PHACTR3: variants seen among roughly 807,000 people sequenced by gnomAD.
The protein encoded by PHACTR3 is phosphatase and actin regulator 3.
PHACTR3 carries 16 observed loss-of-function variants against 66.8 expected under a neutral mutation model. The observed-to-expected ratio is 0.24, with a 90% confidence interval of 0.16 to 0.36. PHACTR3 has a LOEUF of 0.36. PHACTR3 is among the 10% of genes least tolerant of loss of function. The probability of loss-of-function intolerance (pLI) is 1.00; values close to 1 mark genes in which losing one functional copy is unlikely to be tolerated. For missense variants in PHACTR3, 647 were observed against 719.9 expected, an observed-to-expected ratio of 0.90 and a Z score of 1.16; for synonymous variants, 323 against 292.1, an observed-to-expected ratio of 1.11 and a Z score of -1.08.
intron 8 of PHACTR3, among the ~76,000 whole-genome samples, chr20:59,812,870 C>T (rs945396683): frequency 2.6e-5 from 4 of 152,118 alleles, no homozygotes; most frequent in African/African-American, 9.7e-5. Context: ...ATCATCCCTG[C>T]TCTGCAGATG....
At chr20:59,818,543 A>ATT (rs1170065740) in intron 8 of PHACTR3, among the ~76,000 whole-genome samples, 1 of 152,152 alleles carries the variant, frequency 6.6e-6, no homozygotes, top group East Asian at 1.9e-4. Flanking sequence ...AGCACAATCG[A>ATT]TTTTAAGATA....
chr20:59,661,893 G>A (rs1269874849), intron 1 of PHACTR3, among the ~76,000 whole-genome samples: 1 of 152,108 alleles, frequency 6.6e-6, no homozygotes, highest in Non-Finnish European at 1.5e-5. Flanking sequence ...CAGGGTGACC[G>A]CTAGTGGCAG....
At chr20:59,785,335 C>T (rs929826799) in intron 7 of PHACTR3, among the ~76,000 whole-genome samples, 4 of 152,146 alleles carry the variant, frequency 2.6e-5, no homozygotes, top group East Asian at 3.9e-4. Context: ...ATCAGGGCCC[C>T]GCTCTTGCAA....
intron 8 of PHACTR3, among the ~76,000 whole-genome samples, chr20:59,821,164 A>C (rs559624873): frequency 1.3e-5 from 2 of 152,290 alleles, no homozygotes; most frequent in East Asian, 3.9e-4. Flanking sequence ...GGAGGCCCAG[A>C]GAGATTGGGT....
intron 3 of PHACTR3, among the ~76,000 whole-genome samples, chr20:59,752,005 T>C (rs1424818271): frequency 1.3e-5 from 2 of 152,188 alleles, no homozygotes; most frequent in Non-Finnish European, 2.9e-5. Flanking sequence ...ACTTGGCATT[T>C]TCTTAAATAA....
intron 1 of PHACTR3, among the ~76,000 whole-genome samples, chr20:59,614,492 G>A (rs183410456): frequency 1.3e-5 from 2 of 152,264 alleles, no homozygotes; most frequent in Non-Finnish European, 2.9e-5. Flanking sequence ...GCTTGGCAAC[G>A]CACCTTATCT....
intron 3 of PHACTR3, among the ~76,000 whole-genome samples, chr20:59,752,230 G>A (rs2039620968): frequency 6.6e-6 from 1 of 152,224 alleles, no homozygotes; most frequent in African/African-American, 2.4e-5. Context: ...GCACCCACCT[G>A]TGCTTGCACT....
chr20:59,577,559 G>T (rs1470072504), exon 1 of PHACTR3: 2 of 1,197,014 alleles, frequency 1.7e-6, no homozygotes, highest in African/African-American at 1.6e-5. Context: ...CCCTGCGCTC[G>T]CTGCTGGGCG....
chr20:59,829,419 T>C lies in PHACTR3; in HGVS notation c.1329-7086T>C, dbSNP rs1309737607. ...TTATGGCCTGGAGAGTCCTCTTCTC[T>C]TCCTGAACTTCTCTCCAGACACACC... On this transcript the variant is annotated intron_variant, in intron 8 of 12. Transcript: ENST00000371015. This position sits in a 1 kb window ranked among gnomAD's most constrained non-coding sequence, Gnocchi z 4.2. Among the ~76,000 whole-genome samples the C allele has an allele frequency of 6.6e-6, 1 of 152,206 alleles. No individual in the cohort carries two copies. The highest frequency in any genetic ancestry group is 1.5e-5 in the Non-Finnish European group (1 of 68,026).
At chr20:59,812,570 G>A (rs955228785) in intron 8 of PHACTR3, among the ~76,000 whole-genome samples, 8 of 152,326 alleles carry the variant, frequency 5.3e-5, no homozygotes, top group Admixed American at 2.0e-4. Flanking sequence ...CAGTGTCCCC[G>A]CAGAGGCTGT....
At chr20:59,684,231 T>C (rs2036773023) in intron 1 of PHACTR3, among the ~76,000 whole-genome samples, 1 of 152,196 alleles carries the variant, frequency 6.6e-6, no homozygotes, top group Non-Finnish European at 1.5e-5. Flanking sequence ...ATAATATCTT[T>C]CTTTGGGGCT....
Position 59,755,156 on chromosome 20 carries a change from C to T in PHACTR3, c.359-26C>T, listed in dbSNP as rs6128680. ...GGATGAAGGAAGGGAGGTGCAGGCC[C>T]AGCTGACAGCTACATTTCCTTGTAG... On this transcript the variant is annotated intron_variant, in intron 3 of 12. Transcript: ENST00000371015. 10 of 1,603,532 alleles carry T rather than the reference C, an allele frequency of 6.2e-6. No individual in the cohort carries two copies. The East Asian group carries it at 1.8e-4, about 29-fold the overall frequency.
At chr20:59,733,194 A>C (rs1044054287) in intron 1 of PHACTR3, among the ~76,000 whole-genome samples, 1 of 151,252 alleles carries the variant, frequency 6.6e-6, no homozygotes, top group African/African-American at 2.4e-5. Context: ...TTGTCCTTGG[A>C]TGGTATGACC....
At position 59,774,320 on chromosome 20, in the gene PHACTR3, G is replaced by T; in HGVS notation, c.1004G>T (p.Arg335Leu). The stretch of plus-strand genomic sequence containing the variant: ...CTGTCGAGAACGTCCAGCGTGGAGC[G>T]GGGCAAGGAGAGGGAGGAGGCTTGG... ...VRLSRTSSVERGKEREEAWSF... is the reference protein window; with the variant it reads ...VRLSRTSSVELGKEREEAWSF... The change falls in exon 7 of 13, where the codon CGG (arginine) becomes CTG (leucine). Residue 335 changes from arginine (R) to leucine (L), a missense_variant. Arg to Leu is a moderately radical substitution (Grantham distance 102, BLOSUM62 -2). Transcript: ENST00000371015. The T allele has an allele frequency of 6.2e-7, 1 of 1,614,162 alleles. No homozygotes were observed. Among genetic ancestry groups the T allele is most frequent in the Non-Finnish European group, 8.5e-7 (1 of 1,180,026 alleles).
intron 8 of PHACTR3, among the ~76,000 whole-genome samples, chr20:59,814,219 G>A (rs945151370): frequency 6.6e-6 from 1 of 152,184 alleles, no homozygotes; most frequent in African/African-American, 2.4e-5. Flanking sequence ...AGAGCTGGGT[G>A]GGGAGACAAG....
chr20:59,632,123 C>T (rs148615877), intron 1 of PHACTR3, among the ~76,000 whole-genome samples: 14 of 152,336 alleles, frequency 9.2e-5, no homozygotes, highest in African/African-American at 3.4e-4. Flanking sequence ...ACATGCCCTT[C>T]ATAGGCCATG....
At chr20:59,774,894 A>AC (rs921158065) in intron 7 of PHACTR3, among the ~76,000 whole-genome samples, 4 of 152,050 alleles carry the variant, frequency 2.6e-5, no homozygotes, top group African/African-American at 7.2e-5. Context: ...AAAAACAAAA[A>AC]AAAACTGTAA....
intron 3 of PHACTR3, among the ~76,000 whole-genome samples, chr20:59,754,764 C>T (rs536828984): frequency 5.9e-5 from 9 of 152,244 alleles, no homozygotes; most frequent in South Asian, 4.1e-4. Context: ...ACAGGAGGGA[C>T]GAGCAGGGAT....
chr20:59,636,722 T>G (rs1456488450), intron 1 of PHACTR3, among the ~76,000 whole-genome samples: 1 of 152,250 alleles, frequency 6.6e-6, no homozygotes, highest in African/African-American at 2.4e-5. Flanking sequence ...GCATAATTCC[T>G]ATACTTCACT....
Sources: allele counts gnomAD v4.1 joint callset (sites outside exome capture counted in the v4.1 genomes callset), GRCh38; gene constraint gnomAD v4.1.1; non-coding constraint Gnocchi (gnomAD v3.1); transcripts MANE v1.5; gene names NCBI Gene and HGNC (gene_info 2026-07-23, HGNC 2026-07-21).